The following OSBPL7 variants were observed in gnomAD, a reference collection of about 807,000 sequenced individuals.
OSBPL7 encodes the protein oxysterol-binding protein-related protein 7.
In OSBPL7, 66 loss-of-function variants were observed where a neutral mutation model predicts 115.8. The observed-to-expected ratio is 0.57, with a 90% CI of 0.47 to 0.70. OSBPL7 has a LOEUF of 0.70. Among genes scored for constraint, OSBPL7 ranks in the 30% least tolerant of loss-of-function variants. The pLI is 0.00. For synonymous variants in OSBPL7, 441 were observed against 439.2 expected, an observed-to-expected ratio of 1.00 and a Z score of -0.05; for missense variants, 902 against 1,125.5, an observed-to-expected ratio of 0.80 and a Z score of 2.84.
chr17:47,813,224 C>A, intron 16 of OSBPL7, 42 bp downstream of exon 16: 1 of 1,609,430 alleles, frequency 6.2e-7, no homozygotes, highest in African/African-American at 1.3e-5. Flanking sequence ...TCCCTCCTTG[C>A]CCCAGACACC....
At chr17:47,814,479 A>ACCCCCCCCCC in intron 14 of OSBPL7, 42 bp downstream of exon 14, 10 of 1,086,668 alleles carry the variant, frequency 9.2e-6, no homozygotes, top group Admixed American at 3.5e-5. Context: ...CTGTTTTTCC[A>ACCCCCCCCCC]CCCGCCTCCC....
intron 16 of OSBPL7, among the ~76,000 whole-genome samples, chr17:47,812,604 G>A (rs1483479604): frequency 3.3e-5 from 5 of 152,218 alleles, no homozygotes; most frequent in Non-Finnish European, 5.9e-5. Context: ...TCCCCTACAC[G>A]GGAGAGTACG....
chr17:47,813,764 C>G lies in OSBPL7; in HGVS notation c.1422G>C (p.Gly474=). ...RRCLPAASGP[G]ADVSLWNILR... ...GAATGTTCCACAGGCTCACGTCAGC[C>G]CCAGGCCCGCTGGCCGCCGGCAGGC... The change falls in exon 15 of 23, where the codon GGG becomes GGC. Residue 474 remains glycine, a synonymous_variant. Transcript: ENST00000007414. 6.2e-7 allele frequency: 1 copy of G among 1,613,160 alleles called. No homozygotes were observed. The highest frequency in any genetic ancestry group is 1.1e-5 in the South Asian group (1 of 91,080).
chr17:47,809,977 G>C (rs1467540967), intron 18 of OSBPL7, among the ~76,000 whole-genome samples: 1 of 148,234 alleles, frequency 6.7e-6, no homozygotes, highest in Non-Finnish European at 1.5e-5. Flanking sequence ...GCAGTGCAGT[G>C]GTGCAATCTC....
In OSBPL7 at chr17:47,814,541, C is replaced by A; in HGVS notation, c.1331G>T (p.Gly444Val). The A allele has an allele frequency of 6.3e-7, 1 of 1,597,500 alleles. No individual in the cohort carries two copies. The change falls in exon 14 of 23, where the codon GGA becomes GTA. Residue 444 changes from glycine to valine, a missense_variant. By Grantham distance (109) the Gly-to-Val change is moderately radical (BLOSUM62 -3). Transcript: ENST00000007414. ...SLSEEMLDLR[G>V]AERCQKGGCV... ...GGCACCTTTCTGACAGCGCTCAGCT[C>A]CCCTGAGGTCCAGCATCTCCTCAGA...
intron 13 of OSBPL7, 107 bp from the exon 14 acceptor site, chr17:47,814,721 G>A (rs929118063): frequency 7.2e-6 from 7 of 967,446 alleles, no homozygotes; most frequent in Non-Finnish European, 1.1e-5. Flanking sequence ...TGGTGGGAAG[G>A]GGAAGAGAAT....
At position 47,818,768 on chromosome 17, in the gene OSBPL7, G is replaced by T; in HGVS notation, c.370-152C>A. 4 of 815,816 alleles carry T rather than the reference G, an allele frequency of 4.9e-6. No homozygotes were observed. The South Asian group carries it at 5.3e-5, about 11-fold the overall frequency. 50.5% of individuals were successfully genotyped at this position (815,816 alleles called of 1,614,324 possible). The stretch of plus-strand genomic sequence containing the variant: ...TCACTTGCAGGGAGACAGAGCGCAA[G>T]GCGCCCAGGTGTCTGAGCCCTTAGC... On this transcript the variant is annotated intron_variant, in intron 5 of 22. Coordinates refer to ENST00000007414, the MANE Select transcript of OSBPL7 (RefSeq NM_145798.3).
In OSBPL7 at chr17:47,820,290, A is replaced by G. The variant is rs1161233768; in HGVS notation, c.-12T>C. 1 of 1,612,038 alleles carries G rather than the reference A, an allele frequency of 6.2e-7. No homozygotes were observed. Among genetic ancestry groups the G allele is most frequent in the African/African-American group, 1.3e-5 (1 of 74,992 alleles). On this transcript the variant is annotated 5_prime_UTR_variant, in exon 2 of 23. Transcript: ENST00000007414. The stretch of plus-strand genomic sequence containing the variant: ...TCTTGGAAGTCCATGGAGAAGGGAG[A>G]GGCCACTCCCTGCTGGGGATGTAGA...
rs770259509 is a variant in OSBPL7 at position 47,816,391 on chromosome 17, C to A, written c.1020G>T (p.Met340Ile). The A allele has an allele frequency of 6.6e-7, 1 of 1,511,794 alleles. No homozygotes were observed. The highest frequency in any genetic ancestry group is 8.9e-7 in the Non-Finnish European group (1 of 1,127,480). 93.6% of individuals were successfully genotyped at this position (1,511,794 alleles called of 1,614,324 possible). Reference sequence around the variant, plus strand: ...CACCCTGTCCCCCAGGCCTCACCCCCATTCTTGACAACTCTGAGCCCTGGT... The same window carrying A: ...CACCCTGTCCCCCAGGCCTCACCCCAATTCTTGACAACTCTGAGCCCTGGT... ...DMHQGSELSR[M>I]GVSEASTGQR... is the part of the protein sequence containing the mutation. Residue 340 changes from methionine to isoleucine, a missense_variant, in exon 11 of 23, where the codon ATG (methionine) becomes ATT (isoleucine). By Grantham distance (10) the Met-to-Ile change is conservative. Transcript: ENST00000007414. This position sits in a 1 kb window ranked among gnomAD's most constrained non-coding sequence, Gnocchi z 5.8.
Position 47,816,061 on chromosome 17 carries a change from G to A in OSBPL7, c.1119+46C>T. On this transcript the variant is annotated intron_variant, in intron 12 of 22. Coordinates refer to ENST00000007414, the MANE Select transcript of OSBPL7 (RefSeq NM_145798.3). This position sits in a 1 kb window ranked among gnomAD's most constrained non-coding sequence, Gnocchi z 5.8. ...CTGGGCCTTGGCTTTCGCTGGGAGA[G>A]AAGGCACAGGAGAATCGGCCCCCAC... 2 of 1,488,914 alleles carry A rather than the reference G, an allele frequency of 1.3e-6. No individual in the cohort carries two copies. Among genetic ancestry groups the A allele is most frequent in the Non-Finnish European group, 1.8e-6 (2 of 1,105,700 alleles). 92.2% of individuals were successfully genotyped at this position (1,488,914 alleles called of 1,614,324 possible). A position where few individuals can be genotyped will look rare whatever the true frequency, so the allele number is the denominator to read the frequency against.
At position 47,819,097 on chromosome 17, in the gene OSBPL7, G is replaced by A. The variant is rs140230755; in HGVS notation, c.258C>T (p.Ile86=). Residue 86 remains isoleucine (I), a splice_region_variant and synonymous_variant, in exon 5 of 23, where the codon ATC becomes ATT. Transcript: ENST00000007414. ...ILHYATTRQD[I]TKGKLHGSID... ...TGGAGCCATGGAGCTTCCCCTTGGTGATCTGGGGGTGAAGTGTTGGTAGAG... is the reference window on the plus strand; with the variant it reads ...TGGAGCCATGGAGCTTCCCCTTGGTAATCTGGGGGTGAAGTGTTGGTAGAG... 2.4e-4 allele frequency: 392 copies of A among 1,613,374 alleles called. No homozygotes were observed. Among genetic ancestry groups the A allele is most frequent in the Non-Finnish European group, 3.1e-4 (365 of 1,179,476 alleles).
Position 47,813,259 on chromosome 17 carries a change from G to C in OSBPL7, c.1737+7C>G. 1 of 1,613,760 alleles carries C rather than the reference G, an allele frequency of 6.2e-7. No homozygotes were observed. On this transcript the variant is annotated splice_region_variant and intron_variant, in intron 16 of 22. Transcript: ENST00000007414. ...CCAAGGCCAGCCCTCTTCTCCCAAG[G>C]CCATACCTGCTCACTGATGAAGCGG... is the stretch of plus-strand genomic sequence containing the variant.
chr17:47,818,688 C>T (rs1314764715), intron 5 of OSBPL7, 72 bp from the exon 6 acceptor site: 1 of 1,250,488 alleles, frequency 8.0e-7, no homozygotes, highest in East Asian at 2.4e-5. Flanking sequence ...GAAGTCAGGG[C>T]TCTGGTCCCC....
intron 16 of OSBPL7, 103 bp from the exon 17 acceptor site, chr17:47,810,938 A>G (rs2033022190): frequency 8.6e-7 from 1 of 1,165,262 alleles, no homozygotes; most frequent in African/African-American, 1.5e-5. Flanking sequence ...CCACAAGACC[A>G]GTTGGTTCCA....
At chr17:47,811,256 A>G (rs761618269) in intron 16 of OSBPL7, among the ~76,000 whole-genome samples, 2 of 151,608 alleles carry the variant, frequency 1.3e-5, no homozygotes, top group Non-Finnish European at 2.9e-5. Context: ...CACCCTTGGA[A>G]ACACTTGGCC....
Position 47,820,007 on chromosome 17 carries a change from G to T in OSBPL7, c.165C>A (p.Leu55=). The change falls in exon 3 of 23, where the codon CTC becomes CTA. Residue 55 remains leucine (L), a synonymous_variant. Transcript: ENST00000007414. ...VMPERQEGHL[L]KKRKWPLKGW... is the part of the protein sequence containing the mutation. ...CCTTCAGAGGCCACTTCCTCTTCTT[G>T]AGCAGGTGACCTTCCTGCCTCTCAG... is the stretch of plus-strand genomic sequence containing the variant. 1 of 1,540,972 alleles carries T rather than the reference G, an allele frequency of 6.5e-7. No homozygotes were observed. Among genetic ancestry groups the T allele is most frequent in the South Asian group, 1.1e-5 (1 of 89,960 alleles).
At position 47,813,612 on chromosome 17, in the gene OSBPL7, C is replaced by A. The variant is rs181669798; in HGVS notation, c.1574G>T (p.Arg525Leu). ...CATGCGCTCGCAGGGGTCGGCGATGCGGCTGGCCTGGTCCAGGAGGCTGCT... is the reference window on the plus strand; with the variant it reads ...CATGCGCTCGCAGGGGTCGGCGATGAGGCTGGCCTGGTCCAGGAGGCTGCT... ...EYSSLLDQAS[R>L]IADPCERMVY... The change falls in exon 15 of 23, where the codon CGC (arginine) becomes CTC (leucine). Residue 525 changes from arginine to leucine, a missense_variant. Physicochemically the swap from Arg to Leu is moderately radical, Grantham distance 102. Coordinates refer to ENST00000007414, the MANE Select transcript of OSBPL7 (RefSeq NM_145798.3). 4 of 1,611,722 alleles carry A rather than the reference C, an allele frequency of 2.5e-6. No homozygotes were observed. The highest frequency in any genetic ancestry group is 1.7e-5 in the Admixed American group (1 of 59,970).
At chr17:47,812,647 C>T (rs1390410030) in intron 16 of OSBPL7, among the ~76,000 whole-genome samples, 1 of 152,166 alleles carries the variant, frequency 6.6e-6, no homozygotes, top group African/African-American at 2.4e-5. Flanking sequence ...CGGGGCAGCA[C>T]ATAAACAGCT....
chr17:47,820,559 T>C, intron 1 of OSBPL7, 194 bp from the exon 2 acceptor site: 1 of 404,000 alleles, frequency 2.5e-6, no homozygotes, highest in East Asian at 5.1e-5. Context: ...GAGAGTGAAC[T>C]AGCACACAGC....
Sources: allele counts gnomAD v4.1 joint callset (sites outside exome capture counted in the v4.1 genomes callset), GRCh38; gene constraint gnomAD v4.1.1; non-coding constraint Gnocchi (gnomAD v3.1); transcripts MANE v1.5; gene names NCBI Gene and HGNC (gene_info 2026-07-23, HGNC 2026-07-21).